The following GTF2H1 variants were observed in gnomAD, a reference collection of about 807,000 sequenced individuals.
GTF2H1 encodes BTF2 p62.
Under a neutral mutation model 71.2 loss-of-function variants are expected in GTF2H1, and 16 were observed. The ratio of observed to expected loss-of-function variants is 0.22; its 90% CI spans 0.15 to 0.34. GTF2H1 has a LOEUF of 0.34. GTF2H1 is among the 10% of genes least tolerant of loss of function. The probability of loss-of-function intolerance (pLI) is 1.00; values close to 1 mark genes in which losing one functional copy is unlikely to be tolerated. For missense variants in GTF2H1, 498 were observed against 648.2 expected (o/e 0.77, Z 2.52); for synonymous variants, 215 against 219.0 (o/e 0.98, Z 0.16).
chr11:18,326,813 A>G (rs1864778724), intron 1 of GTF2H1, among the ~76,000 whole-genome samples: 1 of 152,094 alleles, frequency 6.6e-6, no homozygotes, highest in Admixed American at 6.5e-5. Flanking sequence ...TTATTTGCCA[A>G]CTTCCCCGTC....
intron 3 of GTF2H1, among the ~76,000 whole-genome samples, chr11:18,337,549 C>G (rs1246414821): frequency 6.6e-6 from 1 of 152,086 alleles, no homozygotes; most frequent in Non-Finnish European, 1.5e-5. Context: ...CTTCCATATC[C>G]AGGAGTTCTA....
At chr11:18,339,444 TTC>T in intron 4 of GTF2H1, 118 bp from the exon 5 acceptor site, 1 of 612,028 alleles carries the variant, frequency 1.6e-6, no homozygotes, top group Non-Finnish European at 2.9e-6. Context: ...GTGAGGGACT[TTC>T]TCTGTCTATG....
intron 1 of GTF2H1, among the ~76,000 whole-genome samples, chr11:18,323,614 G>C (rs1038091446): frequency 1.3e-5 from 2 of 152,042 alleles, no homozygotes; most frequent in African/African-American, 4.8e-5. Context: ...AGTGAGTATT[G>C]ACTCCATACA....
intron 1 of GTF2H1, chr11:18,326,302 A>G (rs894907092): frequency 6.6e-6 from 1 of 152,072 alleles, no homozygotes; most frequent in East Asian, 1.9e-4. Context: ...CAGGCAGATC[A>G]CCCGAGGTCA....
rs4150591 is a variant in GTF2H1, at chr11:18,339,501, C to G, written c.514-63C>G. On this transcript the variant is annotated intron_variant, in intron 4 of 14. Transcript: ENST00000265963. ...TTTTTCCACCTTTGTCCAGTGTCCA[C>G]TGGGACCTGAGCCATCTTTCCCTGA... 4.5e-3 allele frequency: 5,153 copies of G among 1,140,042 alleles called. 20 individuals are homozygous for G. The highest frequency in any genetic ancestry group is 6.1e-3 in the Non-Finnish European group (4,638 of 765,974). The allele number at this position is 1,140,042 out of a possible 1,614,324, so 70.6% of individuals were successfully genotyped here. A position where few individuals can be genotyped will look rare whatever the true frequency, so the allele number is the denominator to read the frequency against.
At chr11:18,342,933 G>GT (rs1376383446) in intron 7 of GTF2H1, among the ~76,000 whole-genome samples, 3 of 151,776 alleles carry the variant, frequency 2.0e-5, no homozygotes, top group Admixed American at 6.6e-5. Context: ...GTTTTGTTCT[G>GT]TTTTTTGAGA....
At chr11:18,354,803 CTTTTTGTTTTTG>C (rs1274600478) in intron 11 of GTF2H1, among the ~76,000 whole-genome samples, 3 of 151,424 alleles carry the variant, frequency 2.0e-5, no homozygotes, top group African/African-American at 7.3e-5. Context: ...TTCTTTGTTT[CTTTTTGTTTTTG>C]TTTTTGTTTT....
chr11:18,334,222 A>AG (rs1361710948), intron 2 of GTF2H1, among the ~76,000 whole-genome samples: 1 of 152,162 alleles, frequency 6.6e-6, no homozygotes, highest in African/African-American at 2.4e-5. Flanking sequence ...TACTAAACAT[A>AG]CAAAAAAATT....
At chr11:18,323,609 G>A (rs866792770) in intron 1 of GTF2H1, among the ~76,000 whole-genome samples, 2 of 152,122 alleles carry the variant, frequency 1.3e-5, no homozygotes, top group Non-Finnish European at 1.5e-5. Flanking sequence ...TTTGCAGTGA[G>A]TATTGACTCC....
chr11:18,324,240 G>C (rs1469588248), intron 1 of GTF2H1: 1 of 152,204 alleles, frequency 6.6e-6, no homozygotes, highest in Non-Finnish European at 1.5e-5. Flanking sequence ...TGGTAGAGAC[G>C]GGGTTTCACC....
At chr11:18,336,756 A>AT (rs1565007645) in intron 3 of GTF2H1, among the ~76,000 whole-genome samples, 1 of 118,956 alleles carries the variant, frequency 8.4e-6, no homozygotes, top group Non-Finnish European at 1.9e-5. Context: ...AAATAATGAG[A>AT]ATTTTTTTTT....
At chr11:18,323,101 T>G (rs1412856148) in intron 1 of GTF2H1, among the ~76,000 whole-genome samples, 1 of 152,168 alleles carries the variant, frequency 6.6e-6, no homozygotes, top group Non-Finnish European at 1.5e-5. Flanking sequence ...CACCTTGTTG[T>G]CTGCACACCT....
rs1174022252 is a variant in GTF2H1, at chr11:18,367,018, C to G, written c.*1149C>G. The G allele has an allele frequency of 6.6e-6, 1 of 151,762 alleles. No individual in the cohort carries two copies. Among genetic ancestry groups the G allele is most frequent in the Non-Finnish European group, 1.5e-5 (1 of 67,950 alleles). 9.4% of individuals were successfully genotyped at this position (151,762 alleles called of 1,614,324 possible). A position where few individuals can be genotyped will look rare whatever the true frequency, so the allele number is the denominator to read the frequency against. ...TAAAAATTACACAAAAAAAGTAAAA[C>G]TTTTTATACTTACCCTTTTAACTCT... is the stretch of plus-strand genomic sequence containing the variant. On this transcript the variant is annotated 3_prime_UTR_variant, in exon 15 of 15. Coordinates refer to ENST00000265963, the MANE Select transcript of GTF2H1 (RefSeq NM_005316.4).
chr11:18,335,986 T>C (rs1476249733), intron 3 of GTF2H1, 40 bp downstream of exon 3: 29 of 1,457,338 alleles, frequency 2.0e-5, no homozygotes, highest in Non-Finnish European at 2.8e-5. Flanking sequence ...AGATACTGGG[T>C]TCTCTATAGT....
intron 2 of GTF2H1, among the ~76,000 whole-genome samples, chr11:18,334,377 A>G (rs925580198): frequency 6.6e-6 from 1 of 152,216 alleles, no homozygotes; most frequent in Non-Finnish European, 1.5e-5. Flanking sequence ...CCTTCTCAAA[A>G]AAAGACATAT....
intron 11 of GTF2H1, among the ~76,000 whole-genome samples, chr11:18,356,516 A>C (rs905276829): frequency 1.3e-5 from 2 of 152,156 alleles, no homozygotes; most frequent in Non-Finnish European, 2.9e-5. Flanking sequence ...AATTCTTTCA[A>C]TGTAGACTAT....
At chr11:18,346,763 T>C (rs1454433364) in intron 7 of GTF2H1, among the ~76,000 whole-genome samples, 1 of 108,604 alleles carries the variant, frequency 9.2e-6, no homozygotes, top group Non-Finnish European at 1.7e-5. Context: ...TTTGAGACAG[T>C]CTCACTCTGT....
chr11:18,323,669 G>T (rs1053431159), intron 1 of GTF2H1, among the ~76,000 whole-genome samples: 2 of 152,120 alleles, frequency 1.3e-5, no homozygotes, highest in Admixed American at 6.5e-5. Context: ...TAAAGGAGTG[G>T]AACAATTTCT....
rs554192434 is a variant in GTF2H1, at chr11:18,364,121, G to A, written c.1561-1662G>A. ...GAGGCCATGCATAGCCTTGCAGAAG[G>A]ATATGGTGTTCATGTCTTCCAATTG... On this transcript the variant is annotated intron_variant, in intron 14 of 14. Transcript: ENST00000265963. Among the ~76,000 whole-genome samples, 6 of 152,014 alleles carry A rather than the reference G, an allele frequency of 3.9e-5. No individual in the cohort carries two copies. In the South Asian group the frequency reaches 1.0e-3, roughly 26 times the overall value.
Sources: gnomAD v4.1 joint callset for allele counts (sites outside exome capture counted in the v4.1 genomes callset) on GRCh38, gnomAD v4.1.1 for gene constraint, MANE v1.5 for transcripts, NCBI Gene and HGNC (gene_info 2026-07-23, HGNC 2026-07-21) for gene names.